Variants in CHRM3 observed in about 807,000 individuals in gnomAD.
CHRM3 encodes the protein cholinergic receptor muscarinic 3.
A neutral mutation model predicts 41.8 loss-of-function variants in CHRM3; 11 were observed. That is an observed-to-expected ratio of 0.26 (90% CI 0.17 to 0.44). The LOEUF is 0.44. Ranked by LOEUF, CHRM3 falls within the 20% of genes least tolerant of loss-of-function variation. The pLI is 1.00. For synonymous variants in CHRM3, 297 were observed against 301.4 expected, an observed-to-expected ratio of 0.99 and a Z score of 0.15; for missense variants, 571 against 745.4, an observed-to-expected ratio of 0.77 and a Z score of 2.72.
chr1:239,893,671 G>C (rs1678735714), intron 6 of CHRM3, among the ~76,000 whole-genome samples: 1 of 150,130 alleles, frequency 6.7e-6, no homozygotes, highest in African/African-American at 2.4e-5. Flanking sequence ...AGTAGCAGAG[G>C]AAAGGGTAGG....
chr1:239,658,975 T>G (rs1672958418), intron 4 of CHRM3, among the ~76,000 whole-genome samples: 1 of 152,136 alleles, frequency 6.6e-6, no homozygotes, highest in Non-Finnish European at 1.5e-5. Flanking sequence ...TGACCTCAAG[T>G]GATCCATCCA....
intron 2 of CHRM3, among the ~76,000 whole-genome samples, chr1:239,506,283 C>A (rs1389728538): frequency 6.6e-6 from 1 of 152,108 alleles, no homozygotes; most frequent in Admixed American, 6.5e-5. Context: ...CCATCACAAG[C>A]CCAGAGACAT....
intron 3 of CHRM3, among the ~76,000 whole-genome samples, chr1:239,564,853 G>A (rs1052322841): frequency 6.6e-6 from 1 of 152,150 alleles, no homozygotes. Context: ...ATTTCCTATT[G>A]CAACTCTAAC....
chr1:239,520,693 T>A (rs1428209082), intron 2 of CHRM3, among the ~76,000 whole-genome samples: 2 of 152,190 alleles, frequency 1.3e-5, no homozygotes, highest in Non-Finnish European at 2.9e-5. Context: ...ATAGCAGGTG[T>A]GTCATAATTT....
chr1:239,759,157 G>T (rs77920166), intron 5 of CHRM3, among the ~76,000 whole-genome samples: 9,395 of 121,464 alleles, frequency 0.077, 641 homozygotes, highest in African/African-American at 0.19. Context: ...AGCTTTATGG[G>T]TTTTTTTTTT....
intron 6 of CHRM3, among the ~76,000 whole-genome samples, chr1:239,828,390 G>A (rs991860671): frequency 1.3e-5 from 2 of 151,854 alleles, no homozygotes; most frequent in Non-Finnish European, 2.9e-5. Flanking sequence ...ACACACACAG[G>A]TGTATATATA....
At chr1:239,472,353 G>C (rs902771877) in intron 1 of CHRM3, among the ~76,000 whole-genome samples, 10 of 151,998 alleles carry the variant, frequency 6.6e-5, no homozygotes, top group African/African-American at 2.4e-4. Flanking sequence ...TGTACATTCG[G>C]TGATTCCTCT....
At chr1:239,708,045 A>C (rs1661360432) in intron 5 of CHRM3, among the ~76,000 whole-genome samples, 1 of 152,228 alleles carries the variant, frequency 6.6e-6, no homozygotes, top group Non-Finnish European at 1.5e-5. Flanking sequence ...TAGGCAGGAA[A>C]TGGCAGTAAG....
intron 3 of CHRM3, among the ~76,000 whole-genome samples, chr1:239,556,269 G>T (rs896564186): frequency 2.0e-5 from 3 of 152,088 alleles, no homozygotes; most frequent in African/African-American, 7.2e-5. Context: ...AAAAATCAAT[G>T]CTTAATACAC....
intron 6 of CHRM3, among the ~76,000 whole-genome samples, chr1:239,900,116 C>G (rs1263964098): frequency 6.6e-6 from 1 of 152,164 alleles, no homozygotes; most frequent in African/African-American, 2.4e-5. Flanking sequence ...AGACTGTGAA[C>G]TTCCTTGACT....
At chr1:239,507,455 C>T (rs1298372633) in intron 2 of CHRM3, among the ~76,000 whole-genome samples, 3 of 152,190 alleles carry the variant, frequency 2.0e-5, no homozygotes, top group Non-Finnish European at 2.9e-5. Context: ...TGTGAGTCCT[C>T]CATCCCCACC....
chr1:239,666,384 G>T (rs1558434925), intron 4 of CHRM3, among the ~76,000 whole-genome samples: 1 of 151,724 alleles, frequency 6.6e-6, no homozygotes. Context: ...TAGGGCTGGG[G>T]TTTCACCATG....
intron 1 of CHRM3, among the ~76,000 whole-genome samples, chr1:239,405,062 G>T (rs1326056462): frequency 2.0e-5 from 3 of 152,028 alleles, no homozygotes; most frequent in African/African-American, 4.8e-5. Context: ...AATGGACAGA[G>T]TTGGTTTTGC....
intron 1 of CHRM3, among the ~76,000 whole-genome samples, chr1:239,459,409 T>C (rs140374854): frequency 6.6e-6 from 1 of 152,164 alleles, no homozygotes; most frequent in Non-Finnish European, 1.5e-5. Flanking sequence ...CCTTCTACCC[T>C]GTCTAAAGGA....
chr1:239,609,566 C>A (rs1188657877), intron 3 of CHRM3, among the ~76,000 whole-genome samples: 5 of 152,152 alleles, frequency 3.3e-5, no homozygotes, highest in African/African-American at 1.2e-4. Context: ...TAGGAAACTG[C>A]CAAACTCTTT....
rs976819669 is a variant in CHRM3, at chr1:239,642,554, G to A, written c.-250+10268G>A. Reference sequence around the variant, plus strand: ...CTGATACCTCTTCTTCCAGTTGATCGCATCGGCTCCTGAGGCTTCTGCATT... The same window carrying A: ...CTGATACCTCTTCTTCCAGTTGATCACATCGGCTCCTGAGGCTTCTGCATT... On this transcript the variant is annotated intron_variant, in intron 4 of 6. Coordinates refer to ENST00000676153, the MANE Select transcript of CHRM3 (RefSeq NM_001375978.1). Among the ~76,000 whole-genome samples the A allele has an allele frequency of 1.8e-4, 27 of 152,046 alleles. No homozygotes were observed. In the East Asian group the frequency reaches 3.5e-3, roughly 20 times the overall value.
At chr1:239,730,433 G>A (rs1203915367) in intron 5 of CHRM3, 2 of 151,982 alleles carry the variant, frequency 1.3e-5, no homozygotes, top group African/African-American at 2.4e-5. Flanking sequence ...TCTGTAGCAG[G>A]CTATGGGAAT....
At chr1:239,861,602 A>T (rs1456221896) in intron 6 of CHRM3, among the ~76,000 whole-genome samples, 1 of 152,114 alleles carries the variant, frequency 6.6e-6, no homozygotes, top group East Asian at 1.9e-4. Context: ...TGTCCATGGG[A>T]CCAAGTTGGG....
At chr1:239,635,539 A>C (rs1670371735) in intron 4 of CHRM3, among the ~76,000 whole-genome samples, 1 of 152,124 alleles carries the variant, frequency 6.6e-6, no homozygotes, top group African/African-American at 2.4e-5. Flanking sequence ...GACCTCTCCT[A>C]ACCGCTCTCT....
Sources: gnomAD v4.1 joint callset for allele counts (sites outside exome capture counted in the v4.1 genomes callset) on GRCh38, gnomAD v4.1.1 for gene constraint, MANE v1.5 for transcripts, NCBI Gene and HGNC (gene_info 2026-07-23, HGNC 2026-07-21) for gene names.